ZNF324B: variants seen among roughly 807,000 people sequenced by gnomAD.
ZNF324B encodes zinc finger protein 324B.
In ZNF324B, 7 loss-of-function variants were observed where a neutral mutation model predicts 10.6. The ratio of observed to expected loss-of-function variants is 0.66; its 90% confidence interval spans 0.38 to 1.24. ZNF324B has a LOEUF of 1.24. Ranked by LOEUF, ZNF324B falls within the 50% of genes most tolerant of loss-of-function variation. ZNF324B has a pLI of 0.02. For synonymous variants in ZNF324B, 316 were observed against 321.0 expected, an observed-to-expected ratio of 0.98 and a Z score of 0.17; for missense variants, 640 against 764.7, an observed-to-expected ratio of 0.84 and a Z score of 1.92.
chr19:58,443,901 A>G, the ZNF324B span: 2 of 152,100 alleles, frequency 1.3e-5, no homozygotes, highest in East Asian at 3.9e-4. Context: ...CTTCTCACAA[A>G]CCACTTGATG....
chr19:58,456,374 G>C lies in ZNF324B; in HGVS notation c.1430G>C (p.Gly477Ala). The C allele has an allele frequency of 6.2e-7, 1 of 1,612,948 alleles. No homozygotes were observed. The highest frequency in any genetic ancestry group is 1.1e-5 in the South Asian group (1 of 91,074). Residue 477 changes from glycine to alanine, a missense_variant, in exon 4 of 4, where the codon GGC becomes GCC. By Grantham distance (60) the Gly-to-Ala change is moderately conservative. Around this residue, in one of 3 missense-constraint regions of ZNF324B, gnomAD observed 238 missense variants for 258.0 expected, o/e 0.92. Transcript: ENST00000336614. This position sits in a 1 kb window ranked among gnomAD's most constrained non-coding sequence, Gnocchi z 4.7. ...VLLSHRRIHTGEKPFVCTQCG... is the reference protein window; with the variant it reads ...VLLSHRRIHTAEKPFVCTQCG... Reference sequence around the variant, plus strand: ...CTCAGCCACCGGCGCATTCACACGGGCGAGAAGCCCTTCGTGTGCACGCAG... The same window carrying C: ...CTCAGCCACCGGCGCATTCACACGGCCGAGAAGCCCTTCGTGTGCACGCAG...
the ZNF324B span, chr19:58,434,229 G>T: frequency 6.2e-7 from 1 of 1,614,088 alleles, no homozygotes; most frequent in Non-Finnish European, 8.5e-7. Context: ...CACATTGACT[G>T]CACTCATAAG....
chr19:58,437,347 C>T, the ZNF324B span: 8 of 1,066,404 alleles, frequency 7.5e-6, no homozygotes, highest in African/African-American at 4.8e-5. Flanking sequence ...ACTCACCCAT[C>T]CACAGCTTAT....
chr19:58,450,397 G>A (rs117531179), upstream of ZNF324B, among the ~76,000 whole-genome samples: 1,397 of 151,202 alleles, frequency 9.2e-3, 8 homozygotes, highest in Non-Finnish European at 0.014. Flanking sequence ...CATGGGAGGC[G>A]GAGGTTGCAG....
intron 1 of ZNF324B, chr19:58,453,117 ATAAATAAATAAAT>A (rs2052877958): frequency 6.6e-6 from 1 of 151,738 alleles, no homozygotes; most frequent in African/African-American, 2.5e-5. Flanking sequence ...AAATAAATAA[ATAAATAAATAAAT>A]TGAGGAGGGG....
the ZNF324B span, among the ~76,000 whole-genome samples, chr19:58,423,297 A>G: frequency 7.1e-4 from 108 of 152,058 alleles, no homozygotes; most frequent in African/African-American, 2.5e-3. Context: ...AGTAGCTGGG[A>G]CTGTTGGCAT....
upstream of ZNF324B, among the ~76,000 whole-genome samples, chr19:58,446,707 G>A (rs2052829553): frequency 6.7e-6 from 1 of 149,196 alleles, no homozygotes; most frequent in South Asian, 2.1e-4. Context: ...CTCCCAAGTA[G>A]CTGGAATTAC....
At chr19:58,423,293 T>C in the ZNF324B span, among the ~76,000 whole-genome samples, 2 of 152,204 alleles carry the variant, frequency 1.3e-5, no homozygotes, top group Non-Finnish European at 2.9e-5. Context: ...CCAGAGTAGC[T>C]GGGACTGTTG....
At chr19:58,449,446 A>G (rs761703710), upstream of ZNF324B, among the ~76,000 whole-genome samples, 4 of 152,308 alleles carry the variant, frequency 2.6e-5, no homozygotes, top group South Asian at 2.1e-4. Flanking sequence ...AGACTCCAGA[A>G]TGGTAGATAC....
rs968044342 is a variant in ZNF324B, at chr19:58,452,647, A to T, written c.-7+943A>T. 5 of 962,594 alleles carry T rather than the reference A, an allele frequency of 5.2e-6. No homozygotes were observed. In the African/African-American group the frequency reaches 8.8e-5, roughly 17 times the overall value. 59.6% of individuals were successfully genotyped at this position (962,594 alleles called of 1,614,324 possible). The stretch of plus-strand genomic sequence containing the variant: ...AAAGCAGGTTTCCTTCAGGGGAAAG[A>T]TCAAGAGTCTGGGATGTCCCAGGTT... On this transcript the variant is annotated intron_variant, in intron 1 of 3. Coordinates refer to ENST00000336614, the MANE Select transcript of ZNF324B (RefSeq NM_207395.3).
chr19:58,446,885 T>C (rs1046255866), upstream of ZNF324B, among the ~76,000 whole-genome samples: 2 of 151,590 alleles, frequency 1.3e-5, no homozygotes, highest in African/African-American at 4.8e-5. Context: ...TCTCTCCTTT[T>C]GTCTTTTCTT....
the ZNF324B span, chr19:58,429,994 T>C: frequency 6.6e-6 from 1 of 152,224 alleles, no homozygotes; most frequent in Non-Finnish European, 1.5e-5. Context: ...AGTGACTTGC[T>C]TCTAACTAAA....
chr19:58,429,013 G>C, the ZNF324B span: 1 of 152,206 alleles, frequency 6.6e-6, no homozygotes, highest in Non-Finnish European at 1.5e-5. Flanking sequence ...ATTCTTCAGA[G>C]CTAGCTCTGG....
At chr19:58,440,707 A>C in the ZNF324B span, 1 of 149,396 alleles carries the variant, frequency 6.7e-6, no homozygotes, top group African/African-American at 2.5e-5. Flanking sequence ...TGTGCCTTAG[A>C]TAAAGCCGGC....
the ZNF324B span, chr19:58,419,072 C>G: frequency 6.6e-6 from 1 of 152,176 alleles, no homozygotes; most frequent in African/African-American, 2.4e-5. Context: ...TACCTCTAGT[C>G]AAGGTTGGCC....
At chr19:58,443,807 C>G in the ZNF324B span, 1 of 152,248 alleles carries the variant, frequency 6.6e-6, no homozygotes, top group Non-Finnish European at 1.5e-5. Context: ...TTGTGAAGTT[C>G]AGTTCTTTCC....
At chr19:58,421,327 A>T in the ZNF324B span, among the ~76,000 whole-genome samples, 1 of 152,116 alleles carries the variant, frequency 6.6e-6, no homozygotes, top group Non-Finnish European at 1.5e-5. Flanking sequence ...GCTGGATAGG[A>T]TATTGATCAC....
chr19:58,439,682 C>T, the ZNF324B span: 2 of 1,426,932 alleles, frequency 1.4e-6, no homozygotes, highest in South Asian at 1.4e-5. Context: ...AGGACACCAA[C>T]ATCCCCTCTA....
At chr19:58,434,688 G>A in the ZNF324B span, 1 of 1,614,084 alleles carries the variant, frequency 6.2e-7, no homozygotes, top group Non-Finnish European at 8.5e-7. Flanking sequence ...TCAGATGGTT[G>A]GGGAGAGTGG....
Sources: allele counts gnomAD v4.1 joint callset (sites outside exome capture counted in the v4.1 genomes callset), GRCh38; gene constraint gnomAD v4.1.1; regional missense constraint gnomAD v4.1.1; non-coding constraint Gnocchi (gnomAD v3.1); transcripts MANE v1.5; gene names NCBI Gene and HGNC (gene_info 2026-07-23, HGNC 2026-07-21).